The following RP1 variants were observed in gnomAD, a reference collection of about 807,000 sequenced individuals.
The protein encoded by RP1 is oxygen-regulated protein 1.
RP1 carries 16 observed loss-of-function variants against 14.8 expected under a neutral mutation model. The ratio of observed to expected loss-of-function variants is 1.08; its 90% CI spans 0.73 to 1.65. The LOEUF is 1.65. Among genes scored for constraint, RP1 ranks in the 40% most tolerant of loss-of-function variants. The pLI is 0.00. For synonymous variants in RP1, 876 were observed against 883.6 expected, an observed-to-expected ratio of 0.99 and a Z score of 0.15; for missense variants, 2,631 against 2,535.0, an observed-to-expected ratio of 1.04 and a Z score of -0.81.
rs150506626 is a variant in RP1, at chr8:54,818,128, T to C, written c.3616-19322T>C. On this transcript the variant is annotated intron_variant, in intron 24 of 28. Transcript: ENST00000637698. Reference sequence around the variant, plus strand: ...ATGTTAACAACAACTGCTTAGGTGATTTTTCATGCCAAGGTCATCTTACAC... The same window carrying C: ...ATGTTAACAACAACTGCTTAGGTGACTTTTCATGCCAAGGTCATCTTACAC... 3.3e-3 allele frequency among the ~76,000 whole-genome samples: 498 copies of C among 152,342 alleles called. 2 individuals are homozygous for C. The highest frequency in any genetic ancestry group is 0.01 in the African/African-American group (436 of 41,570).
At chr8:54,581,343 T>A (rs1199122487) in intron 1 of RP1, among the ~76,000 whole-genome samples, 1 of 152,232 alleles carries the variant, frequency 6.6e-6, no homozygotes, top group Non-Finnish European at 1.5e-5. Context: ...ACTCATCATT[T>A]TTTATGGCTG....
rs995522069 is a variant in RP1 at position 54,699,622 on chromosome 8, A to C, written c.1821+52A>C. ...TATATCAATAGTATTATGTCTGTAT[A>C]TTTTTTTGTATAAGATACATTTATA... On this transcript the variant is annotated intron_variant, in intron 13 of 22. Coordinates refer to the RP1 transcript ENST00000636932. 9.6e-6 allele frequency: 8 copies of C among 832,170 alleles called. No individual in the cohort carries two copies. The African/African-American group carries it at 1.1e-4, about 11-fold the overall frequency. 51.5% of individuals were successfully genotyped at this position (832,170 alleles called of 1,614,324 possible).
Position 54,621,140 on chromosome 8 carries a change from C to T in RP1, c.174C>T (p.Arg58=). The change falls in exon 2 of 4, where the codon CGC becomes CGT. Residue 58 remains arginine, a synonymous_variant. Coordinates refer to ENST00000220676, the MANE Select transcript of RP1 (RefSeq NM_006269.2). ...GGGTCAGGGTGGTGGTCAACCCTCG[C>T]TCCTTTAAGTCCTTTGATGCTCTGC... ...FGGVRVVVNP[R]SFKSFDALLD... 1 of 1,614,188 alleles carries T rather than the reference C, an allele frequency of 6.2e-7. No individual in the cohort carries two copies. The highest frequency in any genetic ancestry group is 8.5e-7 in the Non-Finnish European group (1 of 1,180,032).
chr8:54,778,903 T>C (rs1810111934), intron 23 of RP1, among the ~76,000 whole-genome samples: 1 of 152,152 alleles, frequency 6.6e-6, no homozygotes, highest in Non-Finnish European at 1.5e-5. Flanking sequence ...CATACCAATC[T>C]ATATGTAATA....
At chr8:54,793,015 T>C (rs1168961786) in intron 24 of RP1, among the ~76,000 whole-genome samples, 2 of 151,834 alleles carry the variant, frequency 1.3e-5, no homozygotes, top group East Asian at 3.8e-4. Flanking sequence ...TTACAACTCA[T>C]ACCACAGAAA....
intron 3 of RP1, among the ~76,000 whole-genome samples, chr8:54,639,836 T>C (rs1806422879): frequency 6.6e-6 from 1 of 152,182 alleles, no homozygotes; most frequent in African/African-American, 2.4e-5. Context: ...ATATATATAA[T>C]ACAATATACA....
At chr8:54,672,398 G>T (rs777636411) in intron 7 of RP1, among the ~76,000 whole-genome samples, 17 of 152,234 alleles carry the variant, frequency 1.1e-4, no homozygotes, top group Middle Eastern at 6.8e-3. Flanking sequence ...GTAGGGCATG[G>T]GCATGTAAGA....
intron 25 of RP1, among the ~76,000 whole-genome samples, chr8:54,849,053 A>G (rs1457408083): frequency 6.6e-6 from 1 of 152,046 alleles, no homozygotes; most frequent in African/African-American, 2.4e-5. Context: ...GTGGCCTAGG[A>G]TGATATTTTA....
exon 4 of RP1, chr8:54,649,051 A>G: frequency 1.3e-6 from 2 of 1,532,486 alleles, no homozygotes; most frequent in South Asian, 1.2e-5. Flanking sequence ...TCACAGATTT[A>G]TATTATTCTG....
intron 26 of RP1, among the ~76,000 whole-genome samples, chr8:54,855,753 A>G (rs965528248): frequency 2.6e-5 from 4 of 152,224 alleles, no homozygotes; most frequent in Non-Finnish European, 4.4e-5. Flanking sequence ...ACCCAGCCTT[A>G]TTAATAATCA....
At chr8:54,676,868 A>AT (rs1459840052) in intron 8 of RP1, among the ~76,000 whole-genome samples, 1 of 152,112 alleles carries the variant, frequency 6.6e-6, no homozygotes, top group African/African-American at 2.4e-5. Flanking sequence ...GTAACATTTT[A>AT]TTTTTCCTTA....
At chr8:54,863,534 A>C (rs1563399935) in intron 27 of RP1, among the ~76,000 whole-genome samples, 1 of 152,224 alleles carries the variant, frequency 6.6e-6, no homozygotes, top group South Asian at 2.1e-4. Context: ...ATTGATTTCT[A>C]TGTATGATAC....
At chr8:54,755,823 C>T in intron 21 of RP1, 3 of 1,360,922 alleles carry the variant, frequency 2.2e-6, no homozygotes, top group South Asian at 1.7e-5. Flanking sequence ...CTGAAGATGG[C>T]CACATATGAT....
Position 54,624,979 on chromosome 8 carries a change from A to T in RP1, c.1097A>T (p.Glu366Val). 1.2e-6 allele frequency: 2 copies of T among 1,614,202 alleles called. No individual in the cohort carries two copies. The highest frequency in any genetic ancestry group is 1.7e-6 in the Non-Finnish European group (2 of 1,180,040). Residue 366 changes from glutamate to valine, a missense_variant, in exon 4 of 4, where the codon GAG becomes GTG. Coordinates refer to ENST00000220676, the MANE Select transcript of RP1 (RefSeq NM_006269.2). The stretch of plus-strand genomic sequence containing the variant: ...CCTTCTAATAATGATGAAAAGAGTG[A>T]GATGAGTTTTCCAGGAAGAACAGAA... ...TGPSNNDEKS[E>V]MSFPGRTESR... is the part of the protein sequence containing the mutation.
chr8:54,754,890 G>A, exon 20 of RP1: 1 of 1,526,766 alleles, frequency 6.5e-7, no homozygotes, highest in Non-Finnish European at 8.8e-7. Flanking sequence ...TGGGGATGTT[G>A]TCTGTGAGCT....
chr8:54,760,823 C>A (rs982213295), intron 22 of RP1, among the ~76,000 whole-genome samples: 1 of 152,202 alleles, frequency 6.6e-6, no homozygotes, highest in Non-Finnish European at 1.5e-5. Context: ...TCCTCAAGTT[C>A]CAATTCCAAT....
intron 1 of RP1, among the ~76,000 whole-genome samples, chr8:54,575,033 G>A (rs1054341558): frequency 1.3e-5 from 2 of 152,130 alleles, no homozygotes; most frequent in African/African-American, 2.4e-5. Context: ...AAAAGAGTGG[G>A]TTTCCTGAAG....
chr8:54,828,426 G>A (rs913989707), intron 24 of RP1, among the ~76,000 whole-genome samples: 6 of 152,032 alleles, frequency 3.9e-5, no homozygotes, highest in African/African-American at 1.5e-4. Context: ...GAACTAGTTG[G>A]TAGAAAGACC....
intron 1 of RP1, among the ~76,000 whole-genome samples, chr8:54,578,640 G>A (rs1804714342): frequency 6.6e-6 from 1 of 152,152 alleles, no homozygotes; most frequent in South Asian, 2.1e-4. Flanking sequence ...AATTTCTAAT[G>A]AAGGTCCCAG....
Sources: allele counts gnomAD v4.1 joint callset (sites outside exome capture counted in the v4.1 genomes callset), GRCh38; gene constraint gnomAD v4.1.1; transcripts MANE v1.5; gene names NCBI Gene and HGNC (gene_info 2026-07-23, HGNC 2026-07-21).